BEND7: variants seen among roughly 807,000 people sequenced by gnomAD.
The protein encoded by BEND7 is BEN domain-containing protein 7.
Under a neutral mutation model 50.9 loss-of-function variants are expected in BEND7, and 28 were observed. The ratio of observed to expected loss-of-function variants is 0.55; its 90% confidence interval spans 0.41 to 0.75. The LOEUF (loss-of-function observed/expected upper bound fraction) is 0.75. Ranked by LOEUF, BEND7 falls within the 30% of genes least tolerant of loss-of-function variation. BEND7 has a pLI of 0.00. For synonymous variants in BEND7, 170 were observed against 183.9 expected (o/e 0.92, Z 0.61); for missense variants, 477 against 491.3 (o/e 0.97, Z 0.28).
chr10:13,460,051 T>G (rs1839897376), intron 6 of BEND7: 1 of 152,194 alleles, frequency 6.6e-6, no homozygotes, highest in African/African-American at 2.4e-5. Context: ...CCCTCTCCTG[T>G]CCTCCTGAGA....
chr10:13,440,253 C>T (rs571762516), downstream of BEND7, among the ~76,000 whole-genome samples: 4 of 152,300 alleles, frequency 2.6e-5, no homozygotes, highest in South Asian at 4.1e-4. Context: ...ATCCCAGAGG[C>T]CTTGGGCCAA....
rs567774188 is a variant in BEND7, at chr10:13,527,729, A to T, written c.61+744T>A. 4.1e-4 allele frequency: 243 copies of T among 592,506 alleles called. 2 individuals carry two copies. Among genetic ancestry groups the T allele is most frequent in the East Asian group, 9.2e-4 (6 of 6,520 alleles). 36.7% of individuals were successfully genotyped at this position (592,506 alleles called of 1,614,324 possible). Reference sequence around the variant, plus strand: ...GGCTCTTGAGTTATCATTTTTTTAAAAAAAAAAGTCAAATCAGGAAGATAA... The same window carrying T: ...GGCTCTTGAGTTATCATTTTTTTAATAAAAAAAGTCAAATCAGGAAGATAA... On this transcript the variant is annotated intron_variant, in intron 1 of 8. Transcript: ENST00000466271.
chr10:13,528,615 CGG>C lies in BEND7; in HGVS notation c.-84_-83del, dbSNP rs2079570669. 3 of 748,360 alleles carry C rather than the reference CGG, an allele frequency of 4.0e-6. No individual in the cohort carries two copies. The South Asian group carries it at 1.8e-4, about 44-fold the overall frequency. 46.4% of individuals were successfully genotyped at this position (748,360 alleles called of 1,614,324 possible). On this transcript the variant is annotated 5_prime_UTR_variant, in exon 1 of 9. Transcript: ENST00000466271. ...AGCGGCGGCAGCGGCAGCGGCGGCGCGGGCTCGTGTCACCGCGGCGGAGCCGC... is the reference window on the plus strand; with the variant it reads ...AGCGGCGGCAGCGGCAGCGGCGGCGCGCTCGTGTCACCGCGGCGGAGCCGC...
chr10:13,464,984 G>A (rs915310638), intron 6 of BEND7, among the ~76,000 whole-genome samples: 1 of 152,172 alleles, frequency 6.6e-6, no homozygotes, highest in Admixed American at 6.5e-5. Context: ...GACCTTCCCC[G>A]ATAAGGCCTA....
At chr10:13,485,210 C>T (rs578211909) in intron 5 of BEND7, among the ~76,000 whole-genome samples, 13 of 151,956 alleles carry the variant, frequency 8.6e-5, no homozygotes, top group Non-Finnish European at 1.9e-4. Flanking sequence ...AGTTAACCAC[C>T]GAGGGACTAT....
chr10:13,520,745 C>T (rs569820581), intron 2 of BEND7, among the ~76,000 whole-genome samples: 9 of 152,282 alleles, frequency 5.9e-5, no homozygotes, highest in African/African-American at 2.2e-4. Context: ...GAGGCCGACC[C>T]AACAGCAACC....
intron 6 of BEND7, among the ~76,000 whole-genome samples, chr10:13,468,796 G>C (rs2074512164): frequency 1.3e-5 from 2 of 152,192 alleles, no homozygotes; most frequent in African/African-American, 4.8e-5. Context: ...AGGCATTCAA[G>C]GTGTTTCTGA....
chr10:13,453,359 C>T (rs960890447), intron 6 of BEND7, among the ~76,000 whole-genome samples: 3 of 152,144 alleles, frequency 2.0e-5, no homozygotes, highest in Admixed American at 6.5e-5. Flanking sequence ...CTTTGAAACT[C>T]ATCTTTTCAA....
At chr10:13,472,315 C>G (rs1456143264) in intron 6 of BEND7, among the ~76,000 whole-genome samples, 6 of 152,128 alleles carry the variant, frequency 3.9e-5, no homozygotes, top group African/African-American at 1.4e-4. Flanking sequence ...GGGGTTGATA[C>G]CCGTCATCTC....
chr10:13,500,029 A>G lies in BEND7; in HGVS notation c.197T>C (p.Leu66Pro). 6.2e-7 allele frequency: 1 copy of G among 1,612,816 alleles called. No homozygotes were observed. The highest frequency in any genetic ancestry group is 8.5e-7 in the Non-Finnish European group (1 of 1,178,884). The change falls in exon 3 of 9, where the codon CTG (leucine) becomes CCG (proline). Residue 66 changes from leucine (L) to proline (P), a missense_variant. This residue lies in a region of BEND7 where 396 missense variants were observed against 384.2 expected (regional missense o/e 1.03). Transcript: ENST00000466271. ...ATAGATCCGCCCAGTGCTGTCGTTC[A>G]GCAATCTTCTCATCCCTGTAATTTG... Reference protein sequence around the residue: ...KKQITGMRRLLNDSTGRIYQR... With the variant: ...KKQITGMRRLPNDSTGRIYQR...
intron 2 of BEND7, among the ~76,000 whole-genome samples, chr10:13,513,229 T>C (rs192998214): frequency 7.0e-4 from 106 of 152,292 alleles, no homozygotes; most frequent in Non-Finnish European, 1.5e-4. Flanking sequence ...GTGCAAAACA[T>C]TGCCTTCAGT....
chr10:13,514,585 G>A (rs1229239724), intron 2 of BEND7, among the ~76,000 whole-genome samples: 1 of 136,134 alleles, frequency 7.3e-6, no homozygotes, highest in African/African-American at 2.5e-5. Context: ...GTAAACCAGG[G>A]AAGTTGGGTC....
chr10:13,513,221 G>A (rs1302904110), intron 2 of BEND7, among the ~76,000 whole-genome samples: 5 of 152,128 alleles, frequency 3.3e-5, no homozygotes, highest in Non-Finnish European at 7.4e-5. Flanking sequence ...CCACTGGTGT[G>A]CAAAACATTG....
chr10:13,522,917 A>G (rs992498178), intron 2 of BEND7, among the ~76,000 whole-genome samples: 11 of 152,198 alleles, frequency 7.2e-5, no homozygotes, highest in Non-Finnish European at 1.5e-4. Context: ...TGCTGCAAAG[A>G]GCAAATCAGG....
chr10:13,447,479 C>A (rs1387369939), intron 7 of BEND7, among the ~76,000 whole-genome samples, 163 bp from the exon 8 acceptor site: 1 of 148,108 alleles, frequency 6.8e-6, no homozygotes, highest in Non-Finnish European at 1.5e-5. Flanking sequence ...ATGTTAATAT[C>A]ATTATTTGAA....
chr10:13,476,652 A>G (rs1164307545), intron 6 of BEND7, among the ~76,000 whole-genome samples: 4 of 152,204 alleles, frequency 2.6e-5, no homozygotes, highest in African/African-American at 7.2e-5. Flanking sequence ...GTTAATCTGC[A>G]TGGTCTACCG....
intron 5 of BEND7, among the ~76,000 whole-genome samples, chr10:13,486,477 G>T (rs1276238748): frequency 4.6e-5 from 7 of 152,242 alleles, no homozygotes; most frequent in African/African-American, 1.7e-4. Context: ...CTGAGCCGCA[G>T]TGTGGATGGG....
chr10:13,451,923 A>G (rs1837836920), intron 7 of BEND7, among the ~76,000 whole-genome samples: 1 of 152,036 alleles, frequency 6.6e-6, no homozygotes, highest in South Asian at 2.1e-4. Flanking sequence ...TCACTAGGAA[A>G]TTGGCCCCCA....
At chr10:13,489,831 A>G (rs1195098906) in intron 5 of BEND7, among the ~76,000 whole-genome samples, 1 of 152,242 alleles carries the variant, frequency 6.6e-6, no homozygotes, top group Non-Finnish European at 1.5e-5. Flanking sequence ...GCTAAGTCCT[A>G]AACTTAATGT....
Sources: gnomAD v4.1 joint callset for allele counts (sites outside exome capture counted in the v4.1 genomes callset) on GRCh38, gnomAD v4.1.1 for gene constraint, gnomAD v4.1.1 regional missense constraint, MANE v1.5 for transcripts, NCBI Gene and HGNC (gene_info 2026-07-23, HGNC 2026-07-21) for gene names.